The following CSAD variants were observed in gnomAD, a reference collection of about 807,000 sequenced individuals.
CSAD encodes cysteine sulfinic acid decarboxylase.
A neutral mutation model predicts 61.5 loss-of-function variants in CSAD; 47 were observed. The ratio of observed to expected loss-of-function variants is 0.76; its 90% CI spans 0.60 to 0.97. CSAD has a LOEUF of 0.97. Ranked by LOEUF, CSAD falls within the 50% of genes least tolerant of loss-of-function variation. The pLI is 0.00. For synonymous variants in CSAD, 245 were observed against 252.7 expected (o/e 0.97, Z 0.29); for missense variants, 611 against 643.6 (o/e 0.95, Z 0.55).
At chr12:53,179,924 C>T in intron 1 of CSAD, 1 of 1,596,772 alleles carries the variant, frequency 6.3e-7, no homozygotes, top group Non-Finnish European at 8.5e-7. Context: ...TGCAGCCTGG[C>T]CCAAGAGCCA....
chr12:53,169,705 T>TC (rs1230059686), intron 10 of CSAD, among the ~76,000 whole-genome samples: 1 of 151,932 alleles, frequency 6.6e-6, no homozygotes, highest in Non-Finnish European at 1.5e-5. Context: ...TGTCCCCTCA[T>TC]CCCCACTACT....
At position 53,158,219 on chromosome 12, in the gene CSAD, AC is replaced by A. The variant is rs1007232664; in HGVS notation, c.*291del. 4.4e-6 allele frequency: 1 copy of A among 225,884 alleles called. No individual in the cohort carries two copies. The highest frequency in any genetic ancestry group is 8.8e-6 in the Non-Finnish European group (1 of 113,164). The allele number at this position is 225,884 out of a possible 1,614,324, so 14.0% of individuals were successfully genotyped here. ...AGGGGTGCAATCTCGGCTCACTGCA[AC>A]CTCTGCCCCCTGGGTTCAAGCAATT... is the stretch of plus-strand genomic sequence containing the variant. On this transcript the variant is annotated 3_prime_UTR_variant, in exon 17 of 17. Transcript: ENST00000444623.
chr12:53,171,907 G>A lies in CSAD; in HGVS notation c.426C>T (p.Ser142=), dbSNP rs757897524. ...LRKLRALVGW[S]SGDGIFCPGG... ...CAGGGCAGAAGATTCCGTCCCCAGA[G>A]CTCCAGCCCACCAGGGCCCGCAGTT... The change falls in exon 7 of 17, where the codon AGC becomes AGT. Residue 142 remains serine (S), a synonymous_variant. Coordinates refer to ENST00000444623, the MANE Select transcript of CSAD (RefSeq NM_001244705.2). The A allele has an allele frequency of 3.7e-6, 6 of 1,613,778 alleles. No individual in the cohort carries two copies. In the Admixed American group the frequency reaches 1.0e-4, roughly 27 times the overall value.
At chr12:53,163,035 T>A (rs1939486891) in intron 10 of CSAD, among the ~76,000 whole-genome samples, 1 of 147,992 alleles carries the variant, frequency 6.8e-6, no homozygotes, top group South Asian at 2.1e-4. Flanking sequence ...CACCTCAGCC[T>A]GGGCAACAAG....
chr12:53,160,831 CCA>C lies in CSAD; in HGVS notation c.896_897del (p.Val299GlyfsTer103). The C allele has an allele frequency of 5.2e-6, 8 of 1,551,964 alleles. No homozygotes were observed. Among genetic ancestry groups the C allele is most frequent in the African/African-American group, 1.4e-5 (1 of 73,174 alleles). On this transcript the variant is annotated frameshift_variant, in exon 13 of 17. Coordinates refer to ENST00000444623, the MANE Select transcript of CSAD (RefSeq NM_001244705.2). LOFTEE classifies it high-confidence loss of function. ...LLDGIQRADS[V>X]AWNPHKLLAA... is the part of the protein sequence containing the mutation. The stretch of plus-strand genomic sequence containing the variant: ...GCGAGGAGCTTGTGGGGATTCCAGG[CCA>C]CAGAGTCAGCCCTGGATGGGGTGGA...
At position 53,158,634 on chromosome 12, in the gene CSAD, A is replaced by C. The variant is rs1565642716; in HGVS notation, c.1359T>G (p.Ile453Met). ...CCCGGGTCCCGTGGGGCTGGTAGCC[A>C]ATCATCATGGAGCCCTCCTTCACCA... The part of the protein sequence containing the change: ...ERMVKEGSMM[I>M]GYQPHGTRGN... The change falls in exon 17 of 17, where the codon ATT becomes ATG. Residue 453 changes from isoleucine (I) to methionine (M), a missense_variant. By Grantham distance (10) the Ile-to-Met change is conservative. Coordinates refer to ENST00000444623, the MANE Select transcript of CSAD (RefSeq NM_001244705.2). 6.2e-7 allele frequency: 1 copy of C among 1,614,160 alleles called. No individual in the cohort carries two copies. Among genetic ancestry groups the C allele is most frequent in the Admixed American group, 1.7e-5 (1 of 60,008 alleles).
Position 53,173,438 on chromosome 12 carries a change from A to G in CSAD, c.33T>C (p.Ala11=). The part of the protein sequence containing the change: MADSEALPSL[A]GDPVAVEALL... ...AGGCTTCCACAGCCACTGGGTCCCCAGCAAGGGAGGGGAGTGCTTCTGAGT... is the reference window on the plus strand; with the variant it reads ...AGGCTTCCACAGCCACTGGGTCCCCGGCAAGGGAGGGGAGTGCTTCTGAGT... Residue 11 remains alanine, a synonymous_variant, in exon 4 of 17, where the codon GCT becomes GCC. Coordinates refer to ENST00000444623, the MANE Select transcript of CSAD (RefSeq NM_001244705.2). 1 of 1,614,216 alleles carries G rather than the reference A, an allele frequency of 6.2e-7. No homozygotes were observed. Among genetic ancestry groups the G allele is most frequent in the Non-Finnish European group, 8.5e-7 (1 of 1,180,018 alleles).
At chr12:53,174,077 G>A (rs1056948348) in intron 2 of CSAD, 5 of 341,594 alleles carry the variant, frequency 1.5e-5, no homozygotes, top group South Asian at 7.9e-5. Flanking sequence ...GGCCGAGGCG[G>A]GCGGATCACG....
chr12:53,172,234 T>G lies in CSAD; in HGVS notation c.344+112A>C, dbSNP rs1940672187. ...GGAAAAACTCTCTGCCGACAGGGATTCCCAGAAGCAGTAGAGAGAGGGCAG... is the reference window on the plus strand; with the variant it reads ...GGAAAAACTCTCTGCCGACAGGGATGCCCAGAAGCAGTAGAGAGAGGGCAG... On this transcript the variant is annotated intron_variant, in intron 6 of 16. Transcript: ENST00000444623. The G allele has an allele frequency of 4.8e-6, 5 of 1,039,522 alleles. No individual in the cohort carries two copies. In the Admixed American group the frequency reaches 5.4e-5, roughly 11 times the overall value. The allele number at this position is 1,039,522 out of a possible 1,614,324, so 64.4% of individuals were successfully genotyped here.
chr12:53,173,539 G>A (rs1024219993), intron 3 of CSAD, 63 bp from the exon 4 acceptor site: 9 of 1,612,498 alleles, frequency 5.6e-6, no homozygotes, highest in East Asian at 2.2e-5. Context: ...TACCCAGCAG[G>A]AGCCTCCTCT....
intron 10 of CSAD, among the ~76,000 whole-genome samples, chr12:53,162,133 C>T (rs1249097800): frequency 6.6e-6 from 1 of 151,702 alleles, no homozygotes; most frequent in Non-Finnish European, 1.5e-5. Flanking sequence ...TGGTGGTGCA[C>T]GCCTGTAATC....
At chr12:53,180,652 C>T in intron 1 of CSAD, 80 bp downstream of exon 1, 1 of 1,282,884 alleles carries the variant, frequency 7.8e-7, no homozygotes. Flanking sequence ...GAAGTGGATG[C>T]AGCCGCTCGG....
At chr12:53,180,480 C>T in intron 1 of CSAD, 2 of 1,202,270 alleles carry the variant, frequency 1.7e-6, no homozygotes, top group Middle Eastern at 3.1e-4. Context: ...GTCTCGATGG[C>T]GGCCGGGGCG....
At chr12:53,181,212 G>T (rs1158944455), upstream of CSAD, 3 of 985,366 alleles carry the variant, frequency 3.0e-6, no homozygotes, top group East Asian at 1.1e-4. Flanking sequence ...CACCTCCGCA[G>T]CAAGTTTCCC....
upstream of CSAD, chr12:53,180,935 AG>A: frequency 5.8e-6 from 1 of 172,306 alleles, no homozygotes; most frequent in Non-Finnish European, 6.7e-6. Context: ...GGGGGAGGGG[AG>A]GGGAGGAGGG....
At chr12:53,181,137 G>A, upstream of CSAD, 1 of 978,448 alleles carries the variant, frequency 1.0e-6, no homozygotes, top group Non-Finnish European at 1.2e-6. Context: ...TGCAGCGGGT[G>A]CAGAGGCTGG....
intron 10 of CSAD, among the ~76,000 whole-genome samples, chr12:53,169,186 G>GA (rs755984478): frequency 3.0e-5 from 4 of 134,438 alleles, no homozygotes; most frequent in African/African-American, 8.3e-5. Flanking sequence ...TCTCAAAAAA[G>GA]AAAAAAAAAA....
chr12:53,178,725 C>T (rs923739614), intron 2 of CSAD, among the ~76,000 whole-genome samples: 1 of 151,914 alleles, frequency 6.6e-6, no homozygotes, highest in South Asian at 2.1e-4. Context: ...GTGGAGGTTG[C>T]AGTGAGCCAA....
Position 53,158,679 on chromosome 12 carries a change from G to T in CSAD, c.1314C>A (p.Ala438=). The stretch of plus-strand genomic sequence containing the variant: ...TCACCATGCGCTCCTTGAGCACGGG[G>T]GCCACCTGTGGAAGGGTGGAGAGAG... ...PDYHERLSKV[A]PVLKERMVKE... is the part of the protein sequence containing the mutation. The change falls in exon 17 of 17, where the codon GCC becomes GCA. Residue 438 remains alanine, a synonymous_variant. Coordinates refer to ENST00000444623, the MANE Select transcript of CSAD (RefSeq NM_001244705.2). 1 of 1,613,908 alleles carries T rather than the reference G, an allele frequency of 6.2e-7. No individual in the cohort carries two copies. The highest frequency in any genetic ancestry group is 8.5e-7 in the Non-Finnish European group (1 of 1,179,942).
Sources: gnomAD v4.1 joint callset for allele counts (sites outside exome capture counted in the v4.1 genomes callset) on GRCh38, gnomAD v4.1.1 for gene constraint, MANE v1.5 for transcripts, NCBI Gene and HGNC (gene_info 2026-07-23, HGNC 2026-07-21) for gene names.